Variants in VWC2 observed in about 807,000 individuals in gnomAD.
VWC2 encodes von Willebrand factor C domain containing 2, also known as brorin.
A neutral mutation model predicts 29.8 loss-of-function variants in VWC2; 14 were observed. The ratio of observed to expected loss-of-function variants is 0.47; its 90% CI spans 0.31 to 0.74. The LOEUF (loss-of-function observed/expected upper bound fraction) is 0.74. Among genes scored for constraint, VWC2 ranks in the 30% least tolerant of loss-of-function variants. The pLI is 0.05. For synonymous variants in VWC2, 213 were observed against 199.0 expected (o/e 1.07, Z -0.59); for missense variants, 457 against 459.8 (o/e 0.99, Z 0.05).
chr7:49,831,447 G>A (rs1789523319), intron 3 of VWC2, among the ~76,000 whole-genome samples: 1 of 152,118 alleles, frequency 6.6e-6, no homozygotes, highest in South Asian at 2.1e-4. Flanking sequence ...GGACTTCAGG[G>A]GAGAAATATT....
At chr7:49,909,861 TG>T (rs1793310633) in intron 3 of VWC2, among the ~76,000 whole-genome samples, 1 of 152,110 alleles carries the variant, frequency 6.6e-6, no homozygotes, top group Non-Finnish European at 1.5e-5. Context: ...CCCAGCACTT[TG>T]GGAGGTCAAG....
rs146483019 is a variant in VWC2 at position 49,781,917 on chromosome 7, A to G, written c.696+5786A>G. On this transcript the variant is annotated intron_variant, in intron 2 of 3. Transcript: ENST00000340652. ...AGGATTTCCCTGAGAGCAAGGGGGAATGAGTCCAGGGGGCAGTGAAAAGAA... is the reference window on the plus strand; with the variant it reads ...AGGATTTCCCTGAGAGCAAGGGGGAGTGAGTCCAGGGGGCAGTGAAAAGAA... 3.3e-4 allele frequency among the ~76,000 whole-genome samples: 51 copies of G among 152,260 alleles called. No homozygotes were observed. In the East Asian group the frequency reaches 9.3e-3, roughly 28 times the overall value.
intron 3 of VWC2, among the ~76,000 whole-genome samples, chr7:49,803,781 A>G (rs1302556200): frequency 1.3e-5 from 2 of 152,184 alleles, no homozygotes; most frequent in African/African-American, 4.8e-5. Context: ...CATGGTGCTC[A>G]GACAATTCCC....
At chr7:49,781,276 C>T (rs954306542) in intron 2 of VWC2, among the ~76,000 whole-genome samples, 1 of 151,992 alleles carries the variant, frequency 6.6e-6, no homozygotes, top group African/African-American at 2.4e-5. Flanking sequence ...GAGTCATATG[C>T]CATATCTAGA....
intron 3 of VWC2, among the ~76,000 whole-genome samples, chr7:49,832,843 T>C (rs956357773): frequency 1.3e-4 from 20 of 152,194 alleles, no homozygotes; most frequent in Admixed American, 2.6e-4. Flanking sequence ...TTTAGCTTTC[T>C]TTGGTCATTT....
chr7:49,801,567 T>C (rs1788738820), intron 2 of VWC2, among the ~76,000 whole-genome samples: 1 of 152,182 alleles, frequency 6.6e-6, no homozygotes, highest in Non-Finnish European at 1.5e-5. Context: ...TATGCTTGAT[T>C]TGGATAGCTC....
rs1213185762 is a variant in VWC2, at chr7:49,914,174, A to G, written c.*1989A>G. 1 of 152,252 alleles carries G rather than the reference A, an allele frequency of 6.6e-6. No individual in the cohort carries two copies. The highest frequency in any genetic ancestry group is 1.5e-5 in the Non-Finnish European group (1 of 68,046). 9.4% of individuals were successfully genotyped at this position (152,252 alleles called of 1,614,324 possible). A position where few individuals can be genotyped will look rare whatever the true frequency, so the allele number is the denominator to read the frequency against. On this transcript the variant is annotated 3_prime_UTR_variant, in exon 4 of 4. Coordinates refer to ENST00000340652, the MANE Select transcript of VWC2 (RefSeq NM_198570.5). ...CCTAGCCCCCATGGGTAGGTGGGCC[A>G]TTAGTAACCTCTTCTCTCTCCATCA...
chr7:49,869,193 C>T (rs1392598183), intron 3 of VWC2, among the ~76,000 whole-genome samples: 2 of 152,008 alleles, frequency 1.3e-5, no homozygotes, highest in Non-Finnish European at 2.9e-5. Flanking sequence ...ACATGGTATC[C>T]TACAGCTTGG....
chr7:49,878,117 T>A (rs560731946), intron 3 of VWC2, among the ~76,000 whole-genome samples: 1 of 152,246 alleles, frequency 6.6e-6, no homozygotes, highest in South Asian at 2.1e-4. Flanking sequence ...AATGTTAATG[T>A]TAATTGGTGC....
At position 49,822,190 on chromosome 7, in the gene VWC2, C is replaced by T. The variant is rs147784097; in HGVS notation, c.826+19350C>T. ...AGAAATCTTTCATTACAGTATTCAA[C>T]GAAGTAAAAAAAAAACTCTAGCTTT... On this transcript the variant is annotated intron_variant, in intron 3 of 3. Transcript: ENST00000340652. Among the ~76,000 whole-genome samples the T allele has an allele frequency of 2.2e-3, 338 of 151,824 alleles. 2 individuals carry two copies. Among genetic ancestry groups the T allele is most frequent in the African/African-American group, 7.7e-3 (319 of 41,404 alleles).
intron 3 of VWC2, among the ~76,000 whole-genome samples, chr7:49,889,093 G>A (rs995950621): frequency 1.3e-5 from 2 of 152,192 alleles, no homozygotes; most frequent in African/African-American, 2.4e-5. Context: ...CAGATATACA[G>A]GGAATGCTCA....
chr7:49,830,933 G>A (rs1300327002), intron 3 of VWC2, among the ~76,000 whole-genome samples: 1 of 152,122 alleles, frequency 6.6e-6, no homozygotes, highest in African/African-American at 2.4e-5. Flanking sequence ...GGACATTTGG[G>A]TTGGTTCCAA....
chr7:49,905,873 G>C (rs890805283), intron 3 of VWC2, among the ~76,000 whole-genome samples: 1 of 152,184 alleles, frequency 6.6e-6, no homozygotes, highest in Admixed American at 6.5e-5. Flanking sequence ...ATGGCCATGA[G>C]AGTGACCTCT....
intron 3 of VWC2, among the ~76,000 whole-genome samples, chr7:49,847,628 A>G (rs943614717): frequency 1.3e-5 from 2 of 152,224 alleles, no homozygotes; most frequent in African/African-American, 2.4e-5. Context: ...ACACAGGGGC[A>G]CGCTGGCCTG....
chr7:49,802,929 G>T (rs762982815), intron 3 of VWC2, 89 bp downstream of exon 3: 152 of 1,550,092 alleles, frequency 9.8e-5, no homozygotes, highest in Non-Finnish European at 1.3e-4. Flanking sequence ...GACACATACG[G>T]ATACGTGAGT....
intron 3 of VWC2, among the ~76,000 whole-genome samples, chr7:49,898,168 A>G (rs1792489085): frequency 6.6e-6 from 1 of 151,858 alleles, no homozygotes; most frequent in African/African-American, 2.4e-5. Context: ...TATGCTTTAT[A>G]TGTGTGTGTG....
intron 3 of VWC2, among the ~76,000 whole-genome samples, chr7:49,893,874 T>C (rs1792251225): frequency 6.6e-6 from 1 of 152,190 alleles, no homozygotes; most frequent in Admixed American, 6.5e-5. Flanking sequence ...GGGAATTATC[T>C]GTTGTTTAAT....
rs184365770 is a variant in VWC2 at position 49,873,858 on chromosome 7, C to T, written c.827-38176C>T. 1.3e-3 allele frequency among the ~76,000 whole-genome samples: 202 copies of T among 150,632 alleles called. 1 individual carries two copies. The highest frequency in any genetic ancestry group is 4.7e-3 in the African/African-American group (192 of 40,804). ...ATTCATATAATGTACTACTACACAGCATTTATATTTATGCCAACATGGAGA... is the reference window on the plus strand; with the variant it reads ...ATTCATATAATGTACTACTACACAGTATTTATATTTATGCCAACATGGAGA... On this transcript the variant is annotated intron_variant, in intron 3 of 3. Coordinates refer to ENST00000340652, the MANE Select transcript of VWC2 (RefSeq NM_198570.5).
chr7:49,785,601 C>A (rs996616853), intron 2 of VWC2, among the ~76,000 whole-genome samples: 1 of 152,004 alleles, frequency 6.6e-6, no homozygotes, highest in African/African-American at 2.4e-5. Flanking sequence ...GACTGCAGAA[C>A]AACAAAGGCA....
Sources: allele counts gnomAD v4.1 joint callset (sites outside exome capture counted in the v4.1 genomes callset), GRCh38; gene constraint gnomAD v4.1.1; transcripts MANE v1.5; gene names NCBI Gene and HGNC (gene_info 2026-07-23, HGNC 2026-07-21).